Variants in ARHGEF3 observed in about 807,000 individuals in gnomAD.
ARHGEF3 encodes Rho guanine nucleotide exchange factor 3.
In ARHGEF3, 28 loss-of-function variants were observed where a neutral mutation model predicts 63.2. That is an observed-to-expected ratio of 0.44 (90% CI 0.33 to 0.61). The LOEUF (loss-of-function observed/expected upper bound fraction) is 0.61, where lower values mean the gene tolerates loss of function less well. Ranked by LOEUF, ARHGEF3 falls within the 20% of genes least tolerant of loss-of-function variation. The pLI, the probability that ARHGEF3 is intolerant of heterozygous loss-of-function variation, is 0.03. For missense variants in ARHGEF3, 533 were observed against 659.3 expected, an observed-to-expected ratio of 0.81 and a Z score of 2.10; for synonymous variants, 266 against 254.2, an observed-to-expected ratio of 1.05 and a Z score of -0.44.
At chr3:56,939,845 T>C (rs536298187) in intron 3 of ARHGEF3, 2 of 152,318 alleles carry the variant, frequency 1.3e-5, no homozygotes, top group South Asian at 4.1e-4. Flanking sequence ...GCAGGAATTA[T>C]TTGTATCTGC....
intron 2 of ARHGEF3, among the ~76,000 whole-genome samples, chr3:56,967,429 ATT>A (rs1700577126): frequency 1.3e-5 from 1 of 74,670 alleles, no homozygotes; most frequent in East Asian, 4.8e-4. Flanking sequence ...CATATTATAT[ATT>A]ATATAATATA....
intron 1 of ARHGEF3, among the ~76,000 whole-genome samples, chr3:57,058,057 T>C (rs2107331815): frequency 6.6e-6 from 1 of 152,320 alleles, no homozygotes; most frequent in East Asian, 1.9e-4. Flanking sequence ...GTCGTGTCCT[T>C]GCCATGGCCA....
At chr3:56,948,536 G>T (rs758092153) in intron 3 of ARHGEF3, among the ~76,000 whole-genome samples, 1 of 152,166 alleles carries the variant, frequency 6.6e-6, no homozygotes, top group Admixed American at 6.5e-5. Context: ...TAGAAGAAAT[G>T]GATAAATTCC....
intron 4 of ARHGEF3, among the ~76,000 whole-genome samples, chr3:56,815,537 A>C (rs1196590273): frequency 1.3e-5 from 2 of 152,202 alleles, no homozygotes; most frequent in African/African-American, 4.8e-5. Flanking sequence ...CAAGAAATGC[A>C]TATGCATATA....
At chr3:56,860,037 A>AAGAG (rs1553768678) in intron 4 of ARHGEF3, among the ~76,000 whole-genome samples, 3 of 131,956 alleles carry the variant, frequency 2.3e-5, no homozygotes, top group Admixed American at 7.5e-5. Flanking sequence ...ACCTGGTCTC[A>AAGAG]AGAGAGATAG....
chr3:56,887,566 C>A (rs771461805), intron 3 of ARHGEF3, among the ~76,000 whole-genome samples: 2 of 152,136 alleles, frequency 1.3e-5, no homozygotes, highest in Admixed American at 6.5e-5. Flanking sequence ...GTAAAAAATG[C>A]CATTTTACTT....
intron 1 of ARHGEF3, among the ~76,000 whole-genome samples, chr3:56,794,155 G>T (rs1033988404): frequency 6.6e-6 from 1 of 152,118 alleles, no homozygotes. Context: ...GGTGCAGAGA[G>T]AGAGTGGTTT....
rs367644570 is a variant in ARHGEF3, at chr3:56,838,550, C to T, written c.192+43742G>A. Reference sequence around the variant, plus strand: ...TACAGGTACTTTTCTTTCCATAATTCTAAGAAGCCCCAGTACATAGTTATA... The same window carrying T: ...TACAGGTACTTTTCTTTCCATAATTTTAAGAAGCCCCAGTACATAGTTATA... On this transcript the variant is annotated intron_variant, in intron 4 of 12. Coordinates refer to the ARHGEF3 transcript ENST00000338458. Among the ~76,000 whole-genome samples, 14 of 152,248 alleles carry T rather than the reference C, an allele frequency of 9.2e-5. 2 individuals are homozygous for T. The highest frequency in any genetic ancestry group is 5.9e-4 in the Admixed American group (9 of 15,294).
At chr3:57,020,790 G>T (rs1194201301) in intron 2 of ARHGEF3, among the ~76,000 whole-genome samples, 4 of 152,198 alleles carry the variant, frequency 2.6e-5, no homozygotes, top group African/African-American at 9.7e-5. Context: ...TTCCATTCCT[G>T]TGGGCCATTA....
intron 3 of ARHGEF3, among the ~76,000 whole-genome samples, chr3:56,935,845 G>T (rs1698876259): frequency 6.6e-6 from 1 of 152,194 alleles, no homozygotes; most frequent in East Asian, 1.9e-4. Context: ...CTATGTCACA[G>T]ACCCAGTGCT....
At position 57,072,493 on chromosome 3, in the gene ARHGEF3, C is replaced by A. The variant is rs1426991464; in HGVS notation, c.-28+6733G>T. 7.3e-5 allele frequency among the ~76,000 whole-genome samples: 11 copies of A among 151,466 alleles called. No individual in the cohort carries two copies. In the East Asian group the frequency reaches 1.9e-3, roughly 27 times the overall value. ...CGGTGGCTCATGTCCGTAATCCCAG[C>A]ACTTCAGGAGGCCGAGGTGGGAGGA... On this transcript the variant is annotated intron_variant, in intron 1 of 12. Coordinates refer to the ARHGEF3 transcript ENST00000338458.
intron 1 of ARHGEF3, among the ~76,000 whole-genome samples, chr3:57,057,055 C>G (rs575855119): frequency 6.6e-6 from 1 of 151,940 alleles, no homozygotes; most frequent in Non-Finnish European, 1.5e-5. Flanking sequence ...GCTGTAGTCC[C>G]GTTATGATCC....
At chr3:56,753,406 C>A in intron 4 of ARHGEF3, 98 bp downstream of exon 4, 1 of 1,041,680 alleles carries the variant, frequency 9.6e-7, no homozygotes. Context: ...CAGTCTTAGT[C>A]ATAAAGACAG....
chr3:56,796,851 G>A (rs763907578), intron 1 of ARHGEF3, among the ~76,000 whole-genome samples: 2 of 152,110 alleles, frequency 1.3e-5, no homozygotes, highest in Non-Finnish European at 2.9e-5. Context: ...ACAAAACAGG[G>A]CATTAATACC....
chr3:57,034,975 T>A, intron 2 of ARHGEF3: 2 of 862,426 alleles, frequency 2.3e-6, no homozygotes, highest in African/African-American at 1.7e-5. Flanking sequence ...CTCCAAATTC[T>A]TGATGGCCTC....
At chr3:56,927,341 C>T (rs147037553) in intron 3 of ARHGEF3, among the ~76,000 whole-genome samples, 6 of 152,216 alleles carry the variant, frequency 3.9e-5, no homozygotes, top group African/African-American at 1.2e-4. Context: ...TAATAAGCCC[C>T]CATGTGGCAC....
At chr3:56,894,525 C>T (rs1368467282) in intron 3 of ARHGEF3, among the ~76,000 whole-genome samples, 1 of 152,092 alleles carries the variant, frequency 6.6e-6, no homozygotes, top group Non-Finnish European at 1.5e-5. Flanking sequence ...TTTTGTGGCT[C>T]AAGCCTGTAA....
At chr3:57,021,113 T>A (rs147413648) in intron 2 of ARHGEF3, among the ~76,000 whole-genome samples, 5 of 152,260 alleles carry the variant, frequency 3.3e-5, no homozygotes, top group African/African-American at 1.2e-4. Context: ...AGAAAGTAGC[T>A]CCATGCTTGA....
intron 1 of ARHGEF3, among the ~76,000 whole-genome samples, chr3:56,774,045 G>C (rs1410230221): frequency 6.6e-6 from 1 of 152,190 alleles, no homozygotes; most frequent in Non-Finnish European, 1.5e-5. Context: ...TGGGAAGACA[G>C]AAAAGGGGCA....
Sources: allele counts gnomAD v4.1 joint callset (sites outside exome capture counted in the v4.1 genomes callset), GRCh38; gene constraint gnomAD v4.1.1; transcripts MANE v1.5; gene names NCBI Gene and HGNC (gene_info 2026-07-23, HGNC 2026-07-21).